The following GRAMD4 variants were observed in gnomAD, a reference collection of about 807,000 sequenced individuals.
GRAMD4 encodes GRAM domain-containing protein 4.
GRAMD4 carries 25 observed loss-of-function variants against 83.9 expected under a neutral mutation model. The ratio of observed to expected loss-of-function variants is 0.30; its 90% CI spans 0.22 to 0.42. The LOEUF (loss-of-function observed/expected upper bound fraction) is 0.42. Ranked by LOEUF, GRAMD4 falls within the 10% of genes least tolerant of loss-of-function variation. The pLI, the probability that GRAMD4 is intolerant of heterozygous loss-of-function variation, is 1.00. For synonymous variants in GRAMD4, 336 were observed against 320.9 expected, an observed-to-expected ratio of 1.05 and a Z score of -0.50; for missense variants, 593 against 788.7, an observed-to-expected ratio of 0.75 and a Z score of 2.97.
At chr22:46,597,826 T>C (rs2081277268) in intron 1 of GRAMD4, among the ~76,000 whole-genome samples, 1 of 152,130 alleles carries the variant, frequency 6.6e-6, no homozygotes, top group Admixed American at 6.6e-5. Context: ...ACAAGTACAG[T>C]TTGATTTGCA....
At chr22:46,638,620 C>G (rs2081926737) in intron 3 of GRAMD4, among the ~76,000 whole-genome samples, 1 of 152,228 alleles carries the variant, frequency 6.6e-6, no homozygotes, top group Non-Finnish European at 1.5e-5. Context: ...AGAGGGTTCA[C>G]AAAGTGATGC....
intron 1 of GRAMD4, among the ~76,000 whole-genome samples, chr22:46,595,143 C>G (rs955989340): frequency 6.6e-6 from 1 of 152,048 alleles, no homozygotes. Flanking sequence ...TGGAGACACA[C>G]AGGGTGGGGG....
intron 1 of GRAMD4, among the ~76,000 whole-genome samples, chr22:46,613,907 G>A (rs2081442975): frequency 6.6e-6 from 1 of 152,184 alleles, no homozygotes; most frequent in Admixed American, 6.5e-5. Flanking sequence ...AAGCCTGCTG[G>A]GAGGGAGGTG....
intron 5 of GRAMD4, 93 bp from the exon 6 acceptor site, chr22:46,662,947 G>A (rs1252641161): frequency 4.7e-6 from 6 of 1,264,708 alleles, no homozygotes; most frequent in East Asian, 2.3e-5. Context: ...CGCCCTTGCA[G>A]TGAGGCCCCT....
chr22:46,662,092 G>A (rs952275167), intron 5 of GRAMD4, among the ~76,000 whole-genome samples: 11 of 152,230 alleles, frequency 7.2e-5, no homozygotes, highest in East Asian at 1.9e-4. Flanking sequence ...GAACACAGCC[G>A]GGCCGGTTCA....
Position 46,659,306 on chromosome 22 carries a change from C to T in GRAMD4, c.404+999C>T, listed in dbSNP as rs1269108627. On this transcript the variant is annotated intron_variant, in intron 4 of 18. Coordinates refer to ENST00000406902, the MANE Select transcript of GRAMD4 (RefSeq NM_015124.5). The surrounding 1 kb of genome is among the most constrained non-coding windows in gnomAD (Gnocchi z 4.1). ...CTCCCCCCAGCATCATCTTCAGCCT[C>T]CGTCCTCAGACTCCACTCCCTCAGC... Among the ~76,000 whole-genome samples, 2 of 151,864 alleles carry T rather than the reference C, an allele frequency of 1.3e-5. No individual in the cohort carries two copies. The highest frequency in any genetic ancestry group is 4.8e-5 in the African/African-American group (2 of 41,358).
At chr22:46,587,801 C>T (rs2081165284) in intron 1 of GRAMD4, 1 of 609,120 alleles carries the variant, frequency 1.6e-6, no homozygotes, top group African/African-American at 2.0e-5. Context: ...CCTGACCTGC[C>T]TAACAGTGGA....
chr22:46,642,707 G>GA (rs1476087762), intron 3 of GRAMD4, among the ~76,000 whole-genome samples: 6 of 152,114 alleles, frequency 3.9e-5, no homozygotes, highest in Middle Eastern at 3.2e-3. Flanking sequence ...ACAGAGTTGG[G>GA]TGCATTTGTT....
Position 46,637,897 on chromosome 22 carries a change from T to C in GRAMD4, c.220T>C (p.Phe74Leu). 6.2e-7 allele frequency: 1 copy of C among 1,613,774 alleles called. No homozygotes were observed. Among genetic ancestry groups the C allele is most frequent in the South Asian group, 1.1e-5 (1 of 91,070 alleles). Residue 74 changes from phenylalanine to leucine, a missense_variant, in exon 3 of 19, where the codon TTT becomes CTT. Coordinates refer to ENST00000406902, the MANE Select transcript of GRAMD4 (RefSeq NM_015124.5). ...AGTCCAGGACTTTAACCGGACAGAG[T>C]TTGATCGACTGAATGAGATCAAAGG... ...TGVQDFNRTE[F>L]DRLNEIKGHL... is the part of the protein sequence containing the mutation.
intron 1 of GRAMD4, among the ~76,000 whole-genome samples, chr22:46,584,954 G>C (rs1390524048): frequency 1.3e-5 from 2 of 152,214 alleles, no homozygotes; most frequent in African/African-American, 4.8e-5. Context: ...GGCCAGGTCT[G>C]TCCCCTCTCT....
At chr22:46,668,259 C>A in intron 11 of GRAMD4, 92 bp downstream of exon 11, 1 of 839,502 alleles carries the variant, frequency 1.2e-6, no homozygotes, top group Non-Finnish European at 1.9e-6. Context: ...TAGGTCTCCG[C>A]CGGCCTCCGC....
intron 1 of GRAMD4, among the ~76,000 whole-genome samples, 186 bp from the exon 2 acceptor site, chr22:46,626,565 C>T (rs4823866): frequency 0.071 from 10,641 of 148,876 alleles, 1,158 homozygotes; most frequent in African/African-American, 0.22. Flanking sequence ...CTGGACCGGC[C>T]GTGCCCTGCG....
chr22:46,636,388 C>T (rs1237426885), intron 2 of GRAMD4, among the ~76,000 whole-genome samples: 2 of 152,242 alleles, frequency 1.3e-5, no homozygotes, highest in African/African-American at 4.8e-5. Flanking sequence ...CACTCATGCC[C>T]TGGGAACTCT....
At chr22:46,589,620 C>G (rs1330624669) in intron 1 of GRAMD4, among the ~76,000 whole-genome samples, 1 of 152,136 alleles carries the variant, frequency 6.6e-6, no homozygotes, top group Non-Finnish European at 1.5e-5. Flanking sequence ...AAGCGGGTGT[C>G]TGAGAGTTCC....
At chr22:46,618,650 A>G (rs957764070), upstream of GRAMD4, among the ~76,000 whole-genome samples, 1 of 152,108 alleles carries the variant, frequency 6.6e-6, no homozygotes, top group African/African-American at 2.4e-5. The surrounding 1 kb of genome is among the most constrained non-coding windows in gnomAD (Gnocchi z 5.8). Flanking sequence ...CATGCTTGCC[A>G]TGTGGAGAAG....
At chr22:46,674,858 G>A in intron 16 of GRAMD4, 108 bp downstream of exon 16, 2 of 784,542 alleles carry the variant, frequency 2.5e-6, no homozygotes, top group Non-Finnish European at 2.2e-6. Flanking sequence ...CTGAGTGGTG[G>A]CCATGGCCTC....
rs973767600 is a variant in GRAMD4, at chr22:46,622,644, C to A, written c.-50+2079C>A. Among the ~76,000 whole-genome samples the A allele has an allele frequency of 6.6e-6, 1 of 152,076 alleles. No individual in the cohort carries two copies. The highest frequency in any genetic ancestry group is 2.4e-5 in the African/African-American group (1 of 41,408). On this transcript the variant is annotated intron_variant, in intron 1 of 18. Coordinates refer to ENST00000406902, the MANE Select transcript of GRAMD4 (RefSeq NM_015124.5). This position sits in a 1 kb window ranked among gnomAD's most constrained non-coding sequence, Gnocchi z 4.0. ...ACTGGTGAAGTTGGGCTGAGCACGG[C>A]GGCTCACGCCTGTAATCCCAGCACT...
intron 3 of GRAMD4, among the ~76,000 whole-genome samples, chr22:46,644,697 G>GTTTTTTTGTTTTT (rs2082044002): frequency 1.0e-5 from 1 of 97,338 alleles, no homozygotes; most frequent in African/African-American, 4.0e-5. Flanking sequence ...CTTGTTCCCT[G>GTTTTTTTGTTTTT]TTTTTTTTTT....
In GRAMD4 at chr22:46,585,699, G is replaced by A. The variant is rs549611660; in HGVS notation, c.-50+8409G>A. Among the ~76,000 whole-genome samples the A allele has an allele frequency of 2.0e-5, 3 of 152,344 alleles. No individual in the cohort carries two copies. The South Asian group carries it at 6.2e-4, about 32-fold the overall frequency. On this transcript the variant is annotated intron_variant, in intron 1 of 1. Coordinates refer to the GRAMD4 transcript ENST00000431155. ...ACACATGGTGGAAGGGAGCTTGTGGGAGGTGGAAAGGTAAAGAGAGCCTGG... is the reference window on the plus strand; with the variant it reads ...ACACATGGTGGAAGGGAGCTTGTGGAAGGTGGAAAGGTAAAGAGAGCCTGG...
Sources: gnomAD v4.1 joint callset for allele counts (sites outside exome capture counted in the v4.1 genomes callset) on GRCh38, gnomAD v4.1.1 for gene constraint, Gnocchi (gnomAD v3.1) non-coding constraint, MANE v1.5 for transcripts, NCBI Gene and HGNC (gene_info 2026-07-23, HGNC 2026-07-21) for gene names.